The following BRIP1 variants were observed in gnomAD, a reference collection of about 807,000 sequenced individuals.
The protein encoded by BRIP1 is BRCA1 interacting DNA helicase 1, also known as Fanconi anemia group J protein.
In BRIP1, 88 loss-of-function variants were observed where a neutral mutation model predicts 119.7. The observed-to-expected ratio is 0.74, with a 90% CI of 0.62 to 0.88. BRIP1 has a LOEUF of 0.88. BRIP1 is among the 40% of genes least tolerant of loss of function. The probability of loss-of-function intolerance (pLI) is 0.00; values close to 1 mark genes in which losing one functional copy is unlikely to be tolerated. For synonymous variants in BRIP1, 443 were observed against 496.5 expected, an observed-to-expected ratio of 0.89 and a Z score of 1.43; for missense variants, 1,259 against 1,455.4, an observed-to-expected ratio of 0.87 and a Z score of 2.20.
In BRIP1 at chr17:61,713,886, A is replaced by G. The variant is rs960558832; in HGVS notation, c.2492+2065T>C. Among the ~76,000 whole-genome samples the G allele has an allele frequency of 1.4e-4, 22 of 152,134 alleles. No homozygotes were observed. The highest frequency in any genetic ancestry group is 1.5e-5 in the Non-Finnish European group (1 of 68,032). ...TAAAAAATAAAAATTTCAAAAATAG[A>G]AAAAGCTTATAGAATAAGGATATAA... On this transcript the variant is annotated intron_variant, in intron 17 of 19. Transcript: ENST00000259008. This position sits in a 1 kb window ranked among gnomAD's most constrained non-coding sequence, Gnocchi z 4.9.
Position 61,751,450 on chromosome 17 carries a change from G to A in BRIP1, c.2098-6859C>T, listed in dbSNP as rs2109252. ...TCATGAATGTACTTGATGGCACTAAGTTGTACACTTAAAAATGCTTAAAAG... is the reference window on the plus strand; with the variant it reads ...TCATGAATGTACTTGATGGCACTAAATTGTACACTTAAAAATGCTTAAAAG... On this transcript the variant is annotated intron_variant, in intron 14 of 19. Coordinates refer to ENST00000259008, the MANE Select transcript of BRIP1 (RefSeq NM_032043.3). This position sits in a 1 kb window ranked among gnomAD's most constrained non-coding sequence, Gnocchi z 6.7. Among the ~76,000 whole-genome samples the A allele has an allele frequency of 0.78, 118,472 of 152,148 alleles. 46,678 individuals are homozygous for A. The highest frequency in any genetic ancestry group is 0.85 in the African/African-American group (35,435 of 41,490).
Position 61,762,925 on chromosome 17 carries a change from C to T in BRIP1, c.2097+13476G>A, listed in dbSNP as rs2077299006. Among the ~76,000 whole-genome samples, 1 of 152,132 alleles carries T rather than the reference C, an allele frequency of 6.6e-6. No individual in the cohort carries two copies. On this transcript the variant is annotated intron_variant, in intron 14 of 19. Coordinates refer to ENST00000259008, the MANE Select transcript of BRIP1 (RefSeq NM_032043.3). The surrounding 1 kb of genome is among the most constrained non-coding windows in gnomAD (Gnocchi z 4.3). ...TTTGCAGAAGAAATATCTACACTCC[C>T]TCGTTCACTGTAGCATTGTTCATTT...
Position 61,828,126 on chromosome 17 carries a change from C to T in BRIP1, c.627+18975G>A, listed in dbSNP as rs1371420108. 6.6e-6 allele frequency among the ~76,000 whole-genome samples: 1 copy of T among 152,084 alleles called. No homozygotes were observed. Among genetic ancestry groups the T allele is most frequent in the Non-Finnish European group, 1.5e-5 (1 of 68,018 alleles). On this transcript the variant is annotated intron_variant, in intron 6 of 19. Coordinates refer to ENST00000259008, the MANE Select transcript of BRIP1 (RefSeq NM_032043.3). This position sits in a 1 kb window ranked among gnomAD's most constrained non-coding sequence, Gnocchi z 4.1. ...CACCAATGTTCACAGCAGCATTATT[C>T]AAAATAGCAAAAAGATGGAAACAAC...
Position 61,734,040 on chromosome 17 carries a change from A to G in BRIP1, c.2379+8973T>C, listed in dbSNP as rs187814613. 6.6e-5 allele frequency among the ~76,000 whole-genome samples: 10 copies of G among 152,320 alleles called. No homozygotes were observed. In the East Asian group the frequency reaches 1.7e-3, roughly 26 times the overall value. ...AATACCTACGAAGGAGAACTTTTCT[A>G]TATACTATTATACTATACTATGCTA... is the stretch of plus-strand genomic sequence containing the variant. On this transcript the variant is annotated intron_variant, in intron 16 of 19. Coordinates refer to ENST00000259008, the MANE Select transcript of BRIP1 (RefSeq NM_032043.3). The surrounding 1 kb of genome is among the most constrained non-coding windows in gnomAD (Gnocchi z 5.2).
chr17:61,858,241 T>C (rs942785465), intron 3 of BRIP1, among the ~76,000 whole-genome samples: 6 of 152,232 alleles, frequency 3.9e-5, no homozygotes, highest in East Asian at 3.8e-4. Flanking sequence ...ATTTGTACCA[T>C]ATAAATATTC....
intron 16 of BRIP1, among the ~76,000 whole-genome samples, chr17:61,721,545 G>A (rs753438574): frequency 1.4e-4 from 21 of 149,572 alleles, no homozygotes; most frequent in Middle Eastern, 7.1e-3. Flanking sequence ...CTGGGATTAC[G>A]GGCGTGAGCC....
chr17:61,772,289 T>C (rs980203400), intron 14 of BRIP1, among the ~76,000 whole-genome samples: 1 of 148,552 alleles, frequency 6.7e-6, no homozygotes, highest in South Asian at 2.1e-4. Context: ...TTATGGCTAA[T>C]GAAATAAATC....
chr17:61,730,873 C>T lies in BRIP1; in HGVS notation c.2379+12140G>A, dbSNP rs916019509. ...TAAAAATTAACCTCAGCAATTCATC[C>T]ATTTGTTTTGTGTTTTTTTGTTTGT... On this transcript the variant is annotated intron_variant, in intron 16 of 19. Transcript: ENST00000259008. The surrounding 1 kb of genome is among the most constrained non-coding windows in gnomAD (Gnocchi z 4.3). 5.9e-5 allele frequency among the ~76,000 whole-genome samples: 9 copies of T among 151,852 alleles called. No individual in the cohort carries two copies. In the South Asian group the frequency reaches 6.2e-4, roughly 11 times the overall value.
chr17:61,787,939 T>C (rs190490535), intron 10 of BRIP1, among the ~76,000 whole-genome samples: 38 of 152,262 alleles, frequency 2.5e-4, no homozygotes, highest in Admixed American at 6.5e-4. Context: ...CCACTGCGCC[T>C]GGCCCAGGAT....
intron 10 of BRIP1, among the ~76,000 whole-genome samples, chr17:61,792,038 T>C (rs749756847): frequency 3.0e-4 from 45 of 152,200 alleles, no homozygotes; most frequent in Non-Finnish European, 2.6e-4. Context: ...CAGGAACTTT[T>C]GTTCATTGCT....
At position 61,683,156 on chromosome 17, in the gene BRIP1, A is replaced by T. The variant is rs1191971025; in HGVS notation, c.*140T>A. On this transcript the variant is annotated 3_prime_UTR_variant, in exon 20 of 20. Transcript: ENST00000259008. The surrounding 1 kb of genome is among the most constrained non-coding windows in gnomAD (Gnocchi z 4.7). The stretch of plus-strand genomic sequence containing the variant: ...AAAAAAAAAAACCCAAAAACTCAAG[A>T]ATAATAACATTTACATTTCTGAACA... 2 of 1,101,172 alleles carry T rather than the reference A, an allele frequency of 1.8e-6. No homozygotes were observed. Among genetic ancestry groups the T allele is most frequent in the East Asian group, 5.0e-5 (2 of 39,912 alleles). The allele number at this position is 1,101,172 out of a possible 1,614,324, so 68.2% of individuals were successfully genotyped here.
Position 61,857,278 on chromosome 17 carries a change from CATCA to C in BRIP1, c.206-51_206-48del. On this transcript the variant is annotated intron_variant, in intron 3 of 19. Coordinates refer to ENST00000259008, the MANE Select transcript of BRIP1 (RefSeq NM_032043.3). The surrounding 1 kb of genome is among the most constrained non-coding windows in gnomAD (Gnocchi z 5.1). Reference sequence around the variant, plus strand: ...TTTATAATATATCTAATTAAATAAACATCAATCATTCTCTACAGCCCAGTTCACC... The same window carrying C: ...TTTATAATATATCTAATTAAATAAACATCATTCTCTACAGCCCAGTTCACC... 1 of 1,500,470 alleles carries C rather than the reference CATCA, an allele frequency of 6.7e-7. No individual in the cohort carries two copies. The highest frequency in any genetic ancestry group is 1.4e-5 in the African/African-American group (1 of 71,314). 92.9% of individuals were successfully genotyped at this position (1,500,470 alleles called of 1,614,324 possible).
rs912703222 is a variant in BRIP1 at position 61,827,079 on chromosome 17, T to C, written c.628-18322A>G. Among the ~76,000 whole-genome samples, 7 of 99,868 alleles carry C rather than the reference T, an allele frequency of 7.0e-5. No individual in the cohort carries two copies. The highest frequency in any genetic ancestry group is 6.7e-4 in the Admixed American group (6 of 8,996). 65.5% of individuals were successfully genotyped at this position (99,868 alleles called of 152,430 possible). Reference sequence around the variant, plus strand: ...AATGTGGTACATATACACTGTGGAATACTATGTAGCCATAAAAAAAATGAG... The same window carrying C: ...AATGTGGTACATATACACTGTGGAACACTATGTAGCCATAAAAAAAATGAG... On this transcript the variant is annotated intron_variant, in intron 6 of 19. Coordinates refer to ENST00000259008, the MANE Select transcript of BRIP1 (RefSeq NM_032043.3). The surrounding 1 kb of genome is among the most constrained non-coding windows in gnomAD (Gnocchi z 5.8).
Position 61,685,839 on chromosome 17 carries a change from T to C in BRIP1, c.2902A>G (p.Lys968Glu), listed in dbSNP as rs587782679. ...LPSSIISRKE[K>E]NDPVFLEEAG... ...AAATGGGAAGAACTTTTCATACTTT[T>C]CTCCTTTCTGGAGATAATGCTACTT... is the stretch of plus-strand genomic sequence containing the variant. Residue 968 changes from lysine to glutamate, a missense_variant, in exon 19 of 20, where the codon AAA becomes GAA. Coordinates refer to ENST00000259008, the MANE Select transcript of BRIP1 (RefSeq NM_032043.3). 2.7e-5 allele frequency: 44 copies of C among 1,607,188 alleles called. No homozygotes were observed. Among genetic ancestry groups the C allele is most frequent in the Non-Finnish European group, 3.4e-5 (40 of 1,174,802 alleles).
At position 61,805,429 on chromosome 17, in the gene BRIP1, T is replaced by C. The variant is rs2078060350; in HGVS notation, c.918+3038A>G. Among the ~76,000 whole-genome samples, 1 of 152,238 alleles carries C rather than the reference T, an allele frequency of 6.6e-6. No homozygotes were observed. The highest frequency in any genetic ancestry group is 2.4e-5 in the African/African-American group (1 of 41,464). On this transcript the variant is annotated intron_variant, in intron 7 of 19. Coordinates refer to ENST00000259008, the MANE Select transcript of BRIP1 (RefSeq NM_032043.3). This position sits in a 1 kb window ranked among gnomAD's most constrained non-coding sequence, Gnocchi z 5.6. ...TCACTTTCTCTAACCTCTACTGTTC[T>C]TATTCTTCATACTGTGTCAACTTCT...
rs2145414377 is a variant in BRIP1, at chr17:61,808,549, C to T, written c.836G>A (p.Arg279Lys). Reference sequence around the variant, plus strand: ...CTCAGGATGGACACAAGTATGATCCCTGCTGGAAAGAATAGTCATTGGAAC... The same window carrying T: ...CTCAGGATGGACACAAGTATGATCCTTGCTGGAAAGAATAGTCATTGGAAC... ...SGVPMTILSS[R>K]DHTCVHPEVV... is the part of the protein sequence containing the mutation. The change falls in exon 7 of 20, where the codon AGG becomes AAG. Residue 279 changes from arginine to lysine, a missense_variant. Physicochemically the swap from Arg to Lys is conservative, Grantham distance 26. Transcript: ENST00000259008. The surrounding 1 kb of genome is among the most constrained non-coding windows in gnomAD (Gnocchi z 4.1). 6.2e-7 allele frequency: 1 copy of T among 1,613,524 alleles called. No homozygotes were observed. The highest frequency in any genetic ancestry group is 8.5e-7 in the Non-Finnish European group (1 of 1,179,486).
intron 6 of BRIP1, among the ~76,000 whole-genome samples, chr17:61,840,028 C>G (rs72843728): frequency 2.0e-5 from 3 of 152,114 alleles, no homozygotes; most frequent in Non-Finnish European, 4.4e-5. Context: ...GGTTTAGACT[C>G]AAAAGATTTC....
At chr17:61,800,104 C>A (rs151093435) in intron 8 of BRIP1, among the ~76,000 whole-genome samples, 1 of 152,086 alleles carries the variant, frequency 6.6e-6, no homozygotes, top group Admixed American at 6.6e-5. Flanking sequence ...TTATGGTTAT[C>A]TTTGTTCCAT....
chr17:61,784,491 A>G, intron 10 of BRIP1, 67 bp from the exon 11 acceptor site: 1 of 1,408,508 alleles, frequency 7.1e-7, no homozygotes, highest in South Asian at 1.2e-5. Flanking sequence ...ACTTCTCAAA[A>G]ATACAATGAA....
Sources: allele counts gnomAD v4.1 joint callset (sites outside exome capture counted in the v4.1 genomes callset), GRCh38; gene constraint gnomAD v4.1.1; non-coding constraint Gnocchi (gnomAD v3.1); transcripts MANE v1.5; gene names NCBI Gene and HGNC (gene_info 2026-07-23, HGNC 2026-07-21).